Variants in CANX observed in about 807,000 individuals in gnomAD.
CANX encodes calnexin.
A neutral mutation model predicts 75.7 loss-of-function variants in CANX; 14 were observed. The ratio of observed to expected loss-of-function variants is 0.19; its 90% CI spans 0.12 to 0.29. The LOEUF (loss-of-function observed/expected upper bound fraction) is 0.29. Among genes scored for constraint, CANX ranks in the 10% least tolerant of loss-of-function variants. The pLI is 1.00. For synonymous variants in CANX, 227 were observed against 236.9 expected (o/e 0.96, Z 0.38); for missense variants, 567 against 713.2 (o/e 0.79, Z 2.34).
upstream of CANX, among the ~76,000 whole-genome samples, chr5:179,693,951 C>T (rs1373032069): frequency 1.3e-5 from 2 of 151,654 alleles, no homozygotes; most frequent in East Asian, 1.9e-4. Flanking sequence ...TATAGAGAAA[C>T]TTTAGAGAAA....
chr5:179,682,309 G>C (rs958309227), intron 1 of CANX, among the ~76,000 whole-genome samples: 54 of 151,766 alleles, frequency 3.6e-4, no homozygotes, highest in Non-Finnish European at 8.8e-5. Context: ...GGGCACGGTG[G>C]CTCACGCCTG....
At chr5:179,688,559 C>A (rs1427397143) in intron 1 of CANX, among the ~76,000 whole-genome samples, 1 of 146,916 alleles carries the variant, frequency 6.8e-6, no homozygotes, top group Non-Finnish European at 1.5e-5. Flanking sequence ...GAGACGGGGT[C>A]TCACCGTGTT....
chr5:179,706,885 G>GA (rs1777175917), intron 3 of CANX, among the ~76,000 whole-genome samples: 1 of 152,028 alleles, frequency 6.6e-6, no homozygotes, highest in Non-Finnish European at 1.5e-5. Context: ...TTTGATTGAG[G>GA]AAAAAAATTT....
At chr5:179,691,773 TTTAA>T (rs1379032252) in intron 1 of CANX, among the ~76,000 whole-genome samples, 4 of 152,050 alleles carry the variant, frequency 2.6e-5, no homozygotes, top group Admixed American at 6.6e-5. Flanking sequence ...ATTTATTTTA[TTTAA>T]TTAATTTATT....
At chr5:179,683,788 C>A (rs1188028946) in intron 1 of CANX, among the ~76,000 whole-genome samples, 1 of 152,146 alleles carries the variant, frequency 6.6e-6, no homozygotes, top group East Asian at 1.9e-4. Context: ...TCTGCCTCGG[C>A]CTCCCAAACT....
intron 7 of CANX, among the ~76,000 whole-genome samples, chr5:179,710,788 C>A (rs988594501): frequency 6.7e-6 from 1 of 150,276 alleles, no homozygotes; most frequent in African/African-American, 2.4e-5. Context: ...TATGGTTGCT[C>A]ATGCGTGTAA....
At position 179,728,956 on chromosome 5, in the gene CANX, C is replaced by T; in HGVS notation, c.*312C>T. 2.6e-6 allele frequency: 1 copy of T among 378,558 alleles called. No individual in the cohort carries two copies. The allele number at this position is 378,558 out of a possible 1,614,324, so 23.4% of individuals were successfully genotyped here. ...TTTAAAATAGAATGATAGAACTTTG[C>T]CAGTCTTTAAGATCTTGGCTTAATT... On this transcript the variant is annotated 3_prime_UTR_variant, in exon 15 of 15. Transcript: ENST00000247461.
chr5:179,681,069 C>G (rs1290171184), intron 1 of CANX: 1 of 664,004 alleles, frequency 1.5e-6, no homozygotes, highest in Non-Finnish European at 2.6e-6. Flanking sequence ...TCTTGTCCAC[C>G]TGCTATGACT....
At chr5:179,678,724 G>T in exon 1 of CANX, 4 of 1,537,028 alleles carry the variant, frequency 2.6e-6, no homozygotes, top group Non-Finnish European at 3.5e-6. Context: ...GCAAGTGCAT[G>T]CGCGCCATGG....
At chr5:179,726,086 C>T (rs1394079052) in intron 13 of CANX, among the ~76,000 whole-genome samples, 1 of 149,416 alleles carries the variant, frequency 6.7e-6, no homozygotes, top group Non-Finnish European at 1.5e-5. Context: ...GTCAGGAGTT[C>T]GAGATCAGCC....
intron 13 of CANX, among the ~76,000 whole-genome samples, chr5:179,726,004 G>T (rs1197211303): frequency 6.7e-6 from 1 of 149,308 alleles, no homozygotes. Flanking sequence ...AAAAAAAATT[G>T]TTGGCCGAGC....
Position 179,728,739 on chromosome 5 carries a change from A to T in CANX, c.*95A>T. The stretch of plus-strand genomic sequence containing the variant: ...CCTGGCACACCTTAGGTTGACATTC[A>T]GAAAACTTCAAGACATCACCATCAG... On this transcript the variant is annotated 3_prime_UTR_variant, in exon 15 of 15. Transcript: ENST00000247461. The T allele has an allele frequency of 1.2e-6, 1 of 835,652 alleles. No homozygotes were observed. Among genetic ancestry groups the T allele is most frequent in the Non-Finnish European group, 2.1e-6 (1 of 484,106 alleles). The allele number at this position is 835,652 out of a possible 1,614,324, so 51.8% of individuals were successfully genotyped here.
chr5:179,683,283 A>G (rs1581813298), intron 1 of CANX, among the ~76,000 whole-genome samples: 2 of 150,596 alleles, frequency 1.3e-5, no homozygotes, highest in South Asian at 4.2e-4. Flanking sequence ...ACCCGCCACC[A>G]TGCCTGGCTA....
chr5:179,685,160 G>A (rs569483555), intron 1 of CANX, among the ~76,000 whole-genome samples: 44 of 151,098 alleles, frequency 2.9e-4, no homozygotes, highest in Admixed American at 2.1e-3. Context: ...GCGCAGTGGC[G>A]CAACCTCGGG....
upstream of CANX, chr5:179,698,548 C>A (rs974596398): frequency 3.1e-6 from 4 of 1,289,308 alleles, no homozygotes; most frequent in African/African-American, 6.1e-5. Flanking sequence ...TGCCGTTTGC[C>A]CCGTCAGCGA....
intron 1 of CANX, among the ~76,000 whole-genome samples, chr5:179,681,920 C>T (rs1207900849): frequency 1.4e-5 from 2 of 145,386 alleles, no homozygotes; most frequent in South Asian, 2.2e-4. Context: ...TGCACTCCAG[C>T]ATGGGCGATA....
chr5:179,728,703 C>T lies in CANX; in HGVS notation c.*59C>T. On this transcript the variant is annotated 3_prime_UTR_variant, in exon 15 of 15. Coordinates refer to ENST00000247461, the MANE Select transcript of CANX (RefSeq NM_001746.4). ...TCCCTCCTCCCCTGCAAGAGTGGTC[C>T]TAGGAGAGGACCTGGCACACCTTAG... 1 of 1,223,716 alleles carries T rather than the reference C, an allele frequency of 8.2e-7. No homozygotes were observed. The highest frequency in any genetic ancestry group is 1.2e-6 in the Non-Finnish European group (1 of 826,916). The allele number at this position is 1,223,716 out of a possible 1,614,324, so 75.8% of individuals were successfully genotyped here.
intron 7 of CANX, among the ~76,000 whole-genome samples, chr5:179,710,643 G>A (rs1005606981): frequency 7.2e-6 from 1 of 138,396 alleles, no homozygotes; most frequent in African/African-American, 2.6e-5. Flanking sequence ...GGGAGGCAGA[G>A]CTTGCAGTGA....
chr5:179,683,294 A>AT (rs1418463837), intron 1 of CANX, among the ~76,000 whole-genome samples: 1 of 151,412 alleles, frequency 6.6e-6, no homozygotes, highest in Admixed American at 6.6e-5. Flanking sequence ...TGCCTGGCTA[A>AT]TTTTTTGTAT....
Sources: gnomAD v4.1 joint callset for allele counts (sites outside exome capture counted in the v4.1 genomes callset) on GRCh38, gnomAD v4.1.1 for gene constraint, MANE v1.5 for transcripts, NCBI Gene and HGNC (gene_info 2026-07-23, HGNC 2026-07-21) for gene names.